Variants in IFT81 observed in about 807,000 individuals in gnomAD.
IFT81 encodes the protein intraflagellar transport 81.
In IFT81, 72 loss-of-function variants were observed where a neutral mutation model predicts 102.6. The ratio of observed to expected loss-of-function variants is 0.70; its 90% CI spans 0.58 to 0.85. The LOEUF (loss-of-function observed/expected upper bound fraction) is 0.85, where lower values mean the gene tolerates loss of function less well. Among genes scored for constraint, IFT81 ranks in the 40% least tolerant of loss-of-function variants. IFT81 has a pLI of 0.00. For synonymous variants in IFT81, 237 were observed against 242.7 expected (o/e 0.98, Z 0.22); for missense variants, 723 against 787.3 (o/e 0.92, Z 0.98).
chr12:110,199,867 CG>C (rs765005520), intron 14 of IFT81, among the ~76,000 whole-genome samples: 2 of 152,174 alleles, frequency 1.3e-5, no homozygotes, highest in Non-Finnish European at 2.9e-5. Flanking sequence ...AGGTCATTCT[CG>C]GGATGGTGTT....
intron 10 of IFT81, among the ~76,000 whole-genome samples, chr12:110,159,229 G>A (rs1896010498): frequency 6.6e-6 from 1 of 152,154 alleles, no homozygotes; most frequent in Non-Finnish European, 1.5e-5. Flanking sequence ...AGCACTTTGG[G>A]AGACCAAGAT....
rs1382789712 is a variant in IFT81 at position 110,218,302 on chromosome 12, G to T, written c.*76G>T. The stretch of plus-strand genomic sequence containing the variant: ...TAATCTCATAATGTATTTCTTTTTT[G>T]AAACTGATTTGTATAGCATTTTGTT... On this transcript the variant is annotated 3_prime_UTR_variant, in exon 19 of 19. Transcript: ENST00000242591. 3 of 1,133,028 alleles carry T rather than the reference G, an allele frequency of 2.6e-6. No homozygotes were observed. Among genetic ancestry groups the T allele is most frequent in the Non-Finnish European group, 3.6e-6 (3 of 829,384 alleles). 70.2% of individuals were successfully genotyped at this position (1,133,028 alleles called of 1,614,324 possible).
At chr12:110,208,448 A>G (rs1288912707) in intron 17 of IFT81, among the ~76,000 whole-genome samples, 3 of 152,140 alleles carry the variant, frequency 2.0e-5, no homozygotes, top group African/African-American at 7.2e-5. Context: ...GGAGGCTACA[A>G]TGAGGTGTGA....
chr12:110,126,018 C>T (rs1893816051), intron 1 of IFT81, among the ~76,000 whole-genome samples: 1 of 152,138 alleles, frequency 6.6e-6, no homozygotes, highest in African/African-American at 2.4e-5. Flanking sequence ...GTGGCTCACG[C>T]CTGTAATTCC....
At chr12:110,130,687 A>G (rs1894110834) in intron 4 of IFT81, among the ~76,000 whole-genome samples, 1 of 152,076 alleles carries the variant, frequency 6.6e-6, no homozygotes, top group South Asian at 2.1e-4. Context: ...TTTGCTAAAT[A>G]TGCTCAGCTA....
intron 10 of IFT81, among the ~76,000 whole-genome samples, chr12:110,150,137 C>T (rs942139634): frequency 1.3e-5 from 2 of 151,540 alleles, no homozygotes; most frequent in African/African-American, 2.4e-5. Context: ...GACAGAGTCT[C>T]GCTTTGTCAC....
At chr12:110,196,335 A>G (rs1487056734) in intron 14 of IFT81, among the ~76,000 whole-genome samples, 1 of 152,204 alleles carries the variant, frequency 6.6e-6, no homozygotes, top group Non-Finnish European at 1.5e-5. Context: ...CCTGGCCAAC[A>G]TGGCGAAACT....
intron 11 of IFT81, among the ~76,000 whole-genome samples, chr12:110,176,164 G>T (rs1897026530): frequency 2.0e-5 from 3 of 151,866 alleles, no homozygotes; most frequent in Admixed American, 2.0e-4. Flanking sequence ...TCAGCCTGTT[G>T]ACCTGTACCT....
chr12:110,132,662 A>G (rs765466473), intron 5 of IFT81, 26 bp downstream of exon 5: 4 of 1,235,870 alleles, frequency 3.2e-6, no homozygotes, highest in East Asian at 2.4e-5. Flanking sequence ...CATAGTAACA[A>G]TTTTTTTGGG....
At chr12:110,137,876 G>A in intron 8 of IFT81, among the ~76,000 whole-genome samples, 1 of 152,174 alleles carries the variant, frequency 6.6e-6, no homozygotes, top group Non-Finnish European at 1.5e-5. Context: ...TTAAAACCGA[G>A]TGTTTTTCAT....
intron 9 of IFT81, among the ~76,000 whole-genome samples, chr12:110,146,267 G>T (rs1895221572): frequency 6.6e-6 from 1 of 152,094 alleles, no homozygotes; most frequent in Non-Finnish European, 1.5e-5. Flanking sequence ...ATTACATTTT[G>T]GAAAGATTTA....
At chr12:110,214,616 GATA>G (rs1339188048) in intron 18 of IFT81, among the ~76,000 whole-genome samples, 3 of 152,134 alleles carry the variant, frequency 2.0e-5, no homozygotes, top group Non-Finnish European at 4.4e-5. Flanking sequence ...AAATGTAAAT[GATA>G]ATAAGATTTA....
intron 14 of IFT81, among the ~76,000 whole-genome samples, chr12:110,197,131 G>A (rs1043096648): frequency 1.3e-5 from 2 of 152,138 alleles, no homozygotes; most frequent in African/African-American, 2.4e-5. Context: ...CCAGGAGTTC[G>A]AGGTTGCAGT....
intron 17 of IFT81, among the ~76,000 whole-genome samples, chr12:110,206,415 TTAAA>T (rs1383436972): frequency 6.6e-6 from 1 of 152,208 alleles, no homozygotes; most frequent in East Asian, 1.9e-4. Flanking sequence ...AATTCAAATA[TTAAA>T]TGTTTTGCTA....
At chr12:110,200,006 G>A (rs779535602) in intron 14 of IFT81, among the ~76,000 whole-genome samples, 3 of 152,176 alleles carry the variant, frequency 2.0e-5, no homozygotes, top group Non-Finnish European at 4.4e-5. Context: ...TAAAATCACT[G>A]TGTTACCAAG....
chr12:110,177,133 C>T (rs1021113006), intron 11 of IFT81, among the ~76,000 whole-genome samples: 6 of 152,134 alleles, frequency 3.9e-5, no homozygotes, highest in African/African-American at 9.7e-5. Context: ...GTTTCTGTAA[C>T]GCAGTCATTG....
In IFT81 at chr12:110,152,855, T is replaced by C. The variant is rs1282150821; in HGVS notation, c.1041+5807T>C. ...ATCCTCCCGCCTGGACTTCCCAAAG[T>C]ACTGGGATTACAAGCATCAGCCACC... is the stretch of plus-strand genomic sequence containing the variant. On this transcript the variant is annotated intron_variant, in intron 10 of 18. Coordinates refer to ENST00000242591, the MANE Select transcript of IFT81 (RefSeq NM_014055.4). Among the ~76,000 whole-genome samples, 3 of 152,160 alleles carry C rather than the reference T, an allele frequency of 2.0e-5. No individual in the cohort carries two copies. In the East Asian group the frequency reaches 5.8e-4, roughly 29 times the overall value.
At position 110,194,439 on chromosome 12, in the gene IFT81, T is replaced by A. The variant is rs756110451; in HGVS notation, c.1557+1733T>A. Among the ~76,000 whole-genome samples, 17 of 152,148 alleles carry A rather than the reference T, an allele frequency of 1.1e-4. No individual in the cohort carries two copies. In the East Asian group the frequency reaches 1.2e-3, roughly 10 times the overall value. On this transcript the variant is annotated intron_variant, in intron 14 of 18. Transcript: ENST00000242591. ...AAAACTGAAATATTCATTTTTTTTT[T>A]ATTCATTTAATTTTTTTAAGTAGAG...
At position 110,132,575 on chromosome 12, in the gene IFT81, CTT is replaced by C; in HGVS notation, c.460_461del (p.Leu154AlafsTer2). The C allele has an allele frequency of 1.3e-6, 2 of 1,562,362 alleles. No individual in the cohort carries two copies. Among genetic ancestry groups the C allele is most frequent in the Non-Finnish European group, 8.8e-7 (1 of 1,140,656 alleles). ...GAAGAGTTAATGGAAGCCTTTAAAA[CTT>C]TGCATAAAGAATATGAGCAGCTCAA... On this transcript the variant is annotated frameshift_variant, in exon 5 of 19. Coordinates refer to ENST00000242591, the MANE Select transcript of IFT81 (RefSeq NM_014055.4). LOFTEE classifies it high-confidence loss of function.
Sources: gnomAD v4.1 joint callset for allele counts (sites outside exome capture counted in the v4.1 genomes callset) on GRCh38, gnomAD v4.1.1 for gene constraint, MANE v1.5 for transcripts, NCBI Gene and HGNC (gene_info 2026-07-23, HGNC 2026-07-21) for gene names.